The following LASP1 variants were observed in gnomAD, a reference collection of about 807,000 sequenced individuals.
LASP1 encodes LIM and SH3 domain protein 1.
Under a neutral mutation model 38.6 loss-of-function variants are expected in LASP1, and 10 were observed. The observed-to-expected ratio is 0.26, with a 90% CI of 0.16 to 0.44. The LOEUF is 0.44. Among genes scored for constraint, LASP1 ranks in the 20% least tolerant of loss-of-function variants. The pLI is 1.00. For missense variants in LASP1, 243 were observed against 375.7 expected, an observed-to-expected ratio of 0.65 and a Z score of 2.92; for synonymous variants, 132 against 140.8, an observed-to-expected ratio of 0.94 and a Z score of 0.44.
intron 4 of LASP1, among the ~76,000 whole-genome samples, chr17:38,900,446 G>T (rs1415473036): frequency 6.6e-6 from 1 of 151,520 alleles, no homozygotes; most frequent in East Asian, 1.9e-4. Context: ...AGGCTGAGGT[G>T]GGCGGATCAT....
chr17:38,910,733 C>CTTTTTTTTT (rs10526728), intron 4 of LASP1, among the ~76,000 whole-genome samples: 3 of 135,470 alleles, frequency 2.2e-5, no homozygotes, highest in African/African-American at 2.9e-5. Context: ...CTGGAGTCCA[C>CTTTTTTTTT]TTTTTTTTAA....
At chr17:38,883,943 C>G (rs1914029649) in intron 2 of LASP1, among the ~76,000 whole-genome samples, 1 of 151,710 alleles carries the variant, frequency 6.6e-6, no homozygotes, top group Non-Finnish European at 1.5e-5. Flanking sequence ...AGGGAGCCCT[C>G]CCTTCCCGCC....
At chr17:38,871,255 G>C (rs1457202185) in intron 1 of LASP1, among the ~76,000 whole-genome samples, 4 of 152,006 alleles carry the variant, frequency 2.6e-5, no homozygotes, top group African/African-American at 9.7e-5. Flanking sequence ...GAGGGGGGTT[G>C]GAGAGTAGAA....
intron 2 of LASP1, among the ~76,000 whole-genome samples, chr17:38,878,600 G>A (rs1913850617): frequency 6.6e-6 from 1 of 152,146 alleles, no homozygotes; most frequent in South Asian, 2.1e-4. Flanking sequence ...ACTTTGTTCT[G>A]TTTACCTTCC....
chr17:38,871,599 AT>A (rs1249230040), intron 1 of LASP1, among the ~76,000 whole-genome samples: 1 of 151,932 alleles, frequency 6.6e-6, no homozygotes. Context: ...AGGATAGTTT[AT>A]TGGACACCTT....
intron 2 of LASP1, among the ~76,000 whole-genome samples, chr17:38,885,453 C>T (rs769552046): frequency 1.7e-4 from 26 of 152,190 alleles, no homozygotes; most frequent in African/African-American, 3.6e-4. Context: ...GTTCCTGCCC[C>T]GCTTCTTCCT....
intron 2 of LASP1, among the ~76,000 whole-genome samples, chr17:38,882,123 G>A (rs1261557358): frequency 6.6e-6 from 1 of 152,232 alleles, no homozygotes. Flanking sequence ...GAGCTGGACT[G>A]AATGGGCTGT....
intron 6 of LASP1, among the ~76,000 whole-genome samples, chr17:38,917,001 G>A (rs1047621586): frequency 9.9e-5 from 15 of 152,202 alleles, no homozygotes; most frequent in Admixed American, 5.9e-4. Flanking sequence ...GCAGCAGGAA[G>A]CCCGAATTGA....
At chr17:38,886,277 G>C (rs1914133612) in intron 2 of LASP1, among the ~76,000 whole-genome samples, 2 of 151,998 alleles carry the variant, frequency 1.3e-5, no homozygotes, top group African/African-American at 2.4e-5. Context: ...GAGTCGTCTC[G>C]CCAGGGCTGG....
chr17:38,897,530 T>A (rs941758142), intron 3 of LASP1, among the ~76,000 whole-genome samples: 1 of 152,222 alleles, frequency 6.6e-6, no homozygotes, highest in Non-Finnish European at 1.5e-5. Context: ...CTCATTCTGT[T>A]CTTCAAAACC....
chr17:38,895,806 A>G (rs898026731), intron 3 of LASP1, among the ~76,000 whole-genome samples: 1 of 152,220 alleles, frequency 6.6e-6, no homozygotes, highest in Non-Finnish European at 1.5e-5. Flanking sequence ...ACAACTAAGA[A>G]CTGACAGAAA....
intron 3 of LASP1, among the ~76,000 whole-genome samples, 159 bp downstream of exon 3, chr17:38,890,663 T>A (rs1340676193): frequency 7.0e-4 from 107 of 152,130 alleles, no homozygotes; most frequent in Non-Finnish European, 1.9e-4. Flanking sequence ...CACCCCTGAC[T>A]TTATCAAAGG....
intron 4 of LASP1, among the ~76,000 whole-genome samples, chr17:38,899,471 C>T (rs531791670): frequency 1.3e-5 from 2 of 152,284 alleles, no homozygotes; most frequent in East Asian, 3.9e-4. Context: ...CTACCCTCCA[C>T]CTGGCCACCT....
intron 4 of LASP1, among the ~76,000 whole-genome samples, chr17:38,910,421 A>G (rs1184922074): frequency 6.6e-6 from 1 of 152,186 alleles, no homozygotes; most frequent in Non-Finnish European, 1.5e-5. Context: ...TTCATGTGTC[A>G]TGAAATATTA....
rs1046530703 is a variant in LASP1 at position 38,918,901 on chromosome 17, C to T, written c.*123C>T. 1.8e-6 allele frequency: 2 copies of T among 1,107,110 alleles called. No individual in the cohort carries two copies. Among genetic ancestry groups the T allele is most frequent in the Admixed American group, 2.5e-5 (1 of 39,836 alleles). The allele number at this position is 1,107,110 out of a possible 1,614,324, so 68.6% of individuals were successfully genotyped here. On this transcript the variant is annotated 3_prime_UTR_variant, in exon 7 of 7. Coordinates refer to ENST00000318008, the MANE Select transcript of LASP1 (RefSeq NM_006148.4). The surrounding 1 kb of genome is among the most constrained non-coding windows in gnomAD (Gnocchi z 4.4). ...CTGCGACAGCTTGTGATTCCTACCC[C>T]TCTTCCAGCTTCTTTTGCCAACTGA...
Position 38,918,877 on chromosome 17 carries a change from T to C in LASP1, c.*99T>C, listed in dbSNP as rs2143839783. Reference sequence around the variant, plus strand: ...TTCAGTGTCTCTGTTTTTTAAAACCTGCGACAGCTTGTGATTCCTACCCCT... The same window carrying C: ...TTCAGTGTCTCTGTTTTTTAAAACCCGCGACAGCTTGTGATTCCTACCCCT... On this transcript the variant is annotated 3_prime_UTR_variant, in exon 7 of 7. Coordinates refer to ENST00000318008, the MANE Select transcript of LASP1 (RefSeq NM_006148.4). The surrounding 1 kb of genome is among the most constrained non-coding windows in gnomAD (Gnocchi z 4.4). 7.5e-7 allele frequency: 1 copy of C among 1,334,190 alleles called. No homozygotes were observed. The highest frequency in any genetic ancestry group is 1.0e-6 in the Non-Finnish European group (1 of 970,984). The allele number at this position is 1,334,190 out of a possible 1,614,324, so 82.6% of individuals were successfully genotyped here.
chr17:38,879,719 C>A (rs931518806), intron 2 of LASP1, among the ~76,000 whole-genome samples: 2 of 152,064 alleles, frequency 1.3e-5, no homozygotes, highest in African/African-American at 2.4e-5. Flanking sequence ...TCCTTACCCC[C>A]TCCCGTTCCC....
At chr17:38,906,849 C>T (rs1914788814) in intron 4 of LASP1, among the ~76,000 whole-genome samples, 1 of 152,242 alleles carries the variant, frequency 6.6e-6, no homozygotes, top group South Asian at 2.1e-4. Flanking sequence ...TAGGCCTGGA[C>T]CCCTGAACCC....
chr17:38,883,739 C>CT (rs60761350), intron 2 of LASP1, among the ~76,000 whole-genome samples: 214 of 128,338 alleles, frequency 1.7e-3, no homozygotes, highest in African/African-American at 2.8e-3. Context: ...CAGGGGCAGG[C>CT]TTTTTTTTTT....
Sources: allele counts gnomAD v4.1 joint callset (sites outside exome capture counted in the v4.1 genomes callset), GRCh38; gene constraint gnomAD v4.1.1; non-coding constraint Gnocchi (gnomAD v3.1); transcripts MANE v1.5; gene names NCBI Gene and HGNC (gene_info 2026-07-23, HGNC 2026-07-21).